The following RARB variants were observed in gnomAD, a reference collection of about 807,000 sequenced individuals.
RARB encodes retinoic acid receptor beta, also known as HBV-activated protein.
In RARB, 17 loss-of-function variants were observed where a neutral mutation model predicts 51.9. That is an observed-to-expected ratio of 0.33 (90% CI 0.22 to 0.49). RARB has a LOEUF of 0.49. Ranked by LOEUF, RARB falls within the 20% of genes least tolerant of loss-of-function variation. The pLI is 0.99. For missense variants in RARB, 369 were observed against 550.8 expected, an observed-to-expected ratio of 0.67 and a Z score of 3.30; for synonymous variants, 215 against 195.4, an observed-to-expected ratio of 1.10 and a Z score of -0.84.
intron 5 of RARB, among the ~76,000 whole-genome samples, chr3:25,263,692 T>C (rs922755723): frequency 3.3e-5 from 5 of 152,164 alleles, no homozygotes; most frequent in Non-Finnish European, 7.3e-5. Context: ...GTCCTAACCA[T>C]GAGTCCATGG....
At chr3:25,034,108 T>C (rs1559441686) in intron 2 of RARB, among the ~76,000 whole-genome samples, 2 of 152,132 alleles carry the variant, frequency 1.3e-5, no homozygotes, top group Non-Finnish European at 2.9e-5. Context: ...AATAGCTGTT[T>C]GGACCAGTCT....
chr3:25,490,494 T>C (rs902620335), intron 2 of RARB, among the ~76,000 whole-genome samples: 11 of 152,198 alleles, frequency 7.2e-5, no homozygotes, highest in African/African-American at 2.7e-4. Context: ...CTAAAAGAGA[T>C]TTTAAAATTC....
chr3:24,857,521 T>C (rs979396469), intron 1 of RARB, among the ~76,000 whole-genome samples: 1 of 152,242 alleles, frequency 6.6e-6, no homozygotes, highest in Non-Finnish European at 1.5e-5. Flanking sequence ...GATACACGTA[T>C]ACTAAAGATG....
At chr3:25,391,360 G>A (rs1465035878) in intron 5 of RARB, among the ~76,000 whole-genome samples, 6 of 152,136 alleles carry the variant, frequency 3.9e-5, no homozygotes, top group Non-Finnish European at 5.9e-5. Context: ...AAACATGCAT[G>A]TGCAAGTGGC....
At chr3:25,010,618 C>T (rs4858681) in intron 2 of RARB, among the ~76,000 whole-genome samples, 125,823 of 152,018 alleles carry the variant, frequency 0.83, 52,441 homozygotes, top group East Asian at 1. Flanking sequence ...GTGGGCACTT[C>T]CACATTCATT....
intron 5 of RARB, among the ~76,000 whole-genome samples, chr3:25,203,206 G>A (rs1701442335): frequency 6.6e-6 from 1 of 152,044 alleles, no homozygotes; most frequent in South Asian, 2.1e-4. Flanking sequence ...TGTCTCTTTT[G>A]ATCTTTGTTG....
chr3:24,936,194 G>C (rs78120140), intron 2 of RARB, among the ~76,000 whole-genome samples: 1 of 152,070 alleles, frequency 6.6e-6, no homozygotes, highest in African/African-American at 2.4e-5. Context: ...GGGTGCAAGC[G>C]CTTCGTAGAT....
chr3:25,362,874 C>T (rs557686706), intron 5 of RARB, among the ~76,000 whole-genome samples: 12 of 152,196 alleles, frequency 7.9e-5, no homozygotes, highest in Admixed American at 7.9e-4. Flanking sequence ...CAGCCTTCTG[C>T]GTTGGCCTCT....
intron 2 of RARB, among the ~76,000 whole-genome samples, chr3:25,000,342 AG>A (rs1020344086): frequency 1.3e-5 from 2 of 152,184 alleles, no homozygotes; most frequent in African/African-American, 4.8e-5. Context: ...AGGCAGGTCA[AG>A]TAATACCATG....
At chr3:25,570,531 T>C (rs1324679614) in intron 4 of RARB, among the ~76,000 whole-genome samples, 2 of 152,198 alleles carry the variant, frequency 1.3e-5, no homozygotes, top group African/African-American at 2.4e-5. Context: ...TTCCCAGCGT[T>C]CCACTAGGAA....
At chr3:24,991,615 G>C (rs1393912166) in intron 2 of RARB, among the ~76,000 whole-genome samples, 1 of 152,090 alleles carries the variant, frequency 6.6e-6, no homozygotes, top group African/African-American at 2.4e-5. Context: ...TTTTCAAGAA[G>C]ATTTTATATT....
intron 5 of RARB, among the ~76,000 whole-genome samples, chr3:25,396,245 C>T (rs993065637): frequency 2.6e-5 from 4 of 152,228 alleles, no homozygotes; most frequent in East Asian, 1.9e-4. Context: ...GATACCAGCA[C>T]GTGCTCTGGT....
chr3:24,983,711 C>T lies in RARB; in HGVS notation c.-379-76414C>T, dbSNP rs114289644. ...TTTCTATGAATTTCATTTCTATTTG[C>T]TAGAAAAAAATGGCCCTTTGGTCTG... On this transcript the variant is annotated intron_variant, in intron 2 of 11. Transcript: ENST00000383772. Among the ~76,000 whole-genome samples the T allele has an allele frequency of 7.6e-3, 1,160 of 152,014 alleles. 13 individuals are homozygous for T. Among genetic ancestry groups the T allele is most frequent in the African/African-American group, 0.026 (1,087 of 41,440 alleles).
At position 25,255,999 on chromosome 3, in the gene RARB, CA is replaced by C. The variant is rs540821520; in HGVS notation, c.178+81425del. The stretch of plus-strand genomic sequence containing the variant: ...CCTCTTAACTATGATTATTTGTAAC[CA>C]TCTCTTAATGTATCATATCATGTAA... On this transcript the variant is annotated intron_variant, in intron 5 of 11. Transcript: ENST00000383772. Among the ~76,000 whole-genome samples, 8 of 151,974 alleles carry C rather than the reference CA, an allele frequency of 5.3e-5. No homozygotes were observed. In the East Asian group the frequency reaches 1.5e-3, roughly 29 times the overall value.
At chr3:25,414,006 TCCA>T (rs1003577404) in intron 5 of RARB, among the ~76,000 whole-genome samples, 3 of 152,170 alleles carry the variant, frequency 2.0e-5, no homozygotes, top group Admixed American at 6.6e-5. Flanking sequence ...TATAAACATT[TCCA>T]CCACCACCAC....
chr3:25,481,767 T>G (rs1696234337), intron 2 of RARB, among the ~76,000 whole-genome samples: 1 of 152,260 alleles, frequency 6.6e-6, no homozygotes, highest in Non-Finnish European at 1.5e-5. Flanking sequence ...TTTGCACCTT[T>G]TACCACTTCC....
chr3:25,176,570 A>G (rs1178737825), intron 5 of RARB, among the ~76,000 whole-genome samples: 1 of 150,902 alleles, frequency 6.6e-6, no homozygotes, highest in African/African-American at 2.4e-5. Flanking sequence ...TAATTTTTGT[A>G]TTTTTAGTAG....
chr3:25,329,770 A>C (rs1001331513), intron 5 of RARB, among the ~76,000 whole-genome samples: 11 of 152,206 alleles, frequency 7.2e-5, no homozygotes, highest in Non-Finnish European at 1.2e-4. Context: ...GCCTTGAAAA[A>C]AGATTAGACA....
At chr3:25,018,907 C>T (rs1697570810) in intron 2 of RARB, among the ~76,000 whole-genome samples, 1 of 152,182 alleles carries the variant, frequency 6.6e-6, no homozygotes, top group Non-Finnish European at 1.5e-5. Context: ...TCATTTCAGT[C>T]ATTTTTCCCC....
Sources: allele counts gnomAD v4.1 joint callset (sites outside exome capture counted in the v4.1 genomes callset), GRCh38; gene constraint gnomAD v4.1.1; transcripts MANE v1.5; gene names NCBI Gene and HGNC (gene_info 2026-07-23, HGNC 2026-07-21).